The following DYRK4 variants were observed in gnomAD, a reference collection of about 807,000 sequenced individuals.
The protein encoded by DYRK4 is dual specificity tyrosine-phosphorylation-regulated kinase 4.
In DYRK4, 64 loss-of-function variants were observed where a neutral mutation model predicts 68.3. The ratio of observed to expected loss-of-function variants is 0.94; its 90% CI spans 0.77 to 1.15. DYRK4 has a LOEUF of 1.15. DYRK4 is among the 50% of genes most tolerant of loss of function. The pLI is 0.00. For synonymous variants in DYRK4, 274 were observed against 289.9 expected (o/e 0.95, Z 0.56); for missense variants, 740 against 764.7 (o/e 0.97, Z 0.38).
At chr12:4,570,418 A>G (rs771175532) in intron 2 of DYRK4, among the ~76,000 whole-genome samples, 6 of 152,180 alleles carry the variant, frequency 3.9e-5, no homozygotes, top group Non-Finnish European at 7.4e-5. Context: ...TTCAACGTCG[A>G]TTGGCTTTCC....
At chr12:4,599,287 T>C (rs1159026088) in intron 9 of DYRK4, 121 bp downstream of exon 9, 1 of 1,108,780 alleles carries the variant, frequency 9.0e-7, no homozygotes, top group African/African-American at 1.6e-5. Flanking sequence ...TTTTTTTTTT[T>C]TTTTTGGTGC....
At chr12:4,576,651 G>T (rs1351715629) in intron 2 of DYRK4, among the ~76,000 whole-genome samples, 1 of 152,170 alleles carries the variant, frequency 6.6e-6, no homozygotes, top group Non-Finnish European at 1.5e-5. Flanking sequence ...AAGAATTCTT[G>T]TTATGCCACC....
intron 4 of DYRK4, chr12:4,590,653 C>A: frequency 1.9e-6 from 2 of 1,027,958 alleles, no homozygotes; most frequent in Non-Finnish European, 2.6e-6. Flanking sequence ...CTCTCTAGAG[C>A]TGTCAGGAGG....
chr12:4,599,886 C>CACCA (rs1178439722), intron 10 of DYRK4, 98 bp downstream of exon 10: 4 of 942,288 alleles, frequency 4.2e-6, no homozygotes, highest in Non-Finnish European at 6.7e-6. Flanking sequence ...GCTCAGCTGT[C>CACCA]ACCACTACCA....
At chr12:4,605,917 T>C (rs1945144565) in intron 11 of DYRK4, among the ~76,000 whole-genome samples, 1 of 152,094 alleles carries the variant, frequency 6.6e-6, no homozygotes, top group Non-Finnish European at 1.5e-5. Flanking sequence ...TTGAGTTCTG[T>C]GTAAGAATCA....
intron 2 of DYRK4, among the ~76,000 whole-genome samples, chr12:4,570,231 C>A (rs1289842927): frequency 6.6e-6 from 1 of 151,756 alleles, no homozygotes; most frequent in Non-Finnish European, 1.5e-5. Context: ...CAGAAGAAAA[C>A]CCTGTCTCAA....
chr12:4,576,382 TG>T (rs1239496309), intron 2 of DYRK4, among the ~76,000 whole-genome samples: 1 of 152,244 alleles, frequency 6.6e-6, no homozygotes, highest in Non-Finnish European at 1.5e-5. Flanking sequence ...CTGCACTGTA[TG>T]GGTGTACCAG....
In DYRK4 at chr12:4,613,690, C is replaced by T. The variant is rs1238344841; in HGVS notation, c.1842C>T (p.Thr614=). Residue 614 remains threonine (T), a synonymous_variant, in exon 15 of 15, where the codon ACC becomes ACT. Coordinates refer to ENST00000543431, the MANE Select transcript of DYRK4 (RefSeq NM_001394779.1). This position sits in a 1 kb window ranked among gnomAD's most constrained non-coding sequence, Gnocchi z 4.0. ...CTGTCGGGGCGGAGGTGTCCATGAC[C>T]TCCCCAGGACAGAGCAAAAACTTCT... ...EAAVGAEVSM[T]SPGQSKNFSL... is the part of the protein sequence containing the mutation. 1 of 1,594,230 alleles carries T rather than the reference C, an allele frequency of 6.3e-7. No homozygotes were observed. Among genetic ancestry groups the T allele is most frequent in the South Asian group, 1.1e-5 (1 of 90,088 alleles).
chr12:4,570,062 AATAATAATAATAATAATG>A (rs2137321821), intron 2 of DYRK4, among the ~76,000 whole-genome samples: 1 of 133,744 alleles, frequency 7.5e-6, no homozygotes, highest in South Asian at 3.0e-4. Flanking sequence ...TAATAATAAT[AATAATAATAATAATAATG>A]ATAATAACAA....
intron 10 of DYRK4, among the ~76,000 whole-genome samples, chr12:4,603,719 C>G (rs1306445382): frequency 6.6e-6 from 1 of 152,190 alleles, no homozygotes; most frequent in African/African-American, 2.4e-5. Context: ...TGTATGAATC[C>G]TATAAGAAAT....
chr12:4,566,781 A>G (rs942984397), intron 1 of DYRK4, among the ~76,000 whole-genome samples: 7 of 151,610 alleles, frequency 4.6e-5, no homozygotes, highest in Admixed American at 1.3e-4. Context: ...GCTTTTGTGC[A>G]GGATTTTTTC....
At chr12:4,592,488 C>G (rs1237532602) in intron 5 of DYRK4, 1 of 152,254 alleles carries the variant, frequency 6.6e-6, no homozygotes, top group African/African-American at 2.4e-5. Flanking sequence ...TAGGGAAGTC[C>G]TAACTCATAA....
rs76510821 is a variant in DYRK4 at position 4,584,148 on chromosome 12, A to G, written c.133-4789A>G. On this transcript the variant is annotated intron_variant, in intron 2 of 14. Coordinates refer to ENST00000543431, the MANE Select transcript of DYRK4 (RefSeq NM_001394779.1). ...GAGACTAGTTCCAAAAGAGGGGATT[A>G]TATTAGAATGTGGCTCCCAAATCTG... 6.1e-3 allele frequency among the ~76,000 whole-genome samples: 922 copies of G among 152,344 alleles called. 6 individuals are homozygous for G. Among genetic ancestry groups the G allele is most frequent in the Admixed American group, 0.014 (212 of 15,298 alleles).
intron 11 of DYRK4, 72 bp from the exon 12 acceptor site, chr12:4,607,255 G>T: frequency 6.3e-7 from 1 of 1,586,196 alleles, no homozygotes; most frequent in Non-Finnish European, 8.6e-7. Context: ...CTTGGCCAAA[G>T]TACGCTCCAC....
chr12:4,599,719 C>T lies in DYRK4; in HGVS notation c.1057C>T (p.Leu353=). 1 of 1,613,726 alleles carries T rather than the reference C, an allele frequency of 6.2e-7. No individual in the cohort carries two copies. The highest frequency in any genetic ancestry group is 1.1e-5 in the South Asian group (1 of 91,064). The change falls in exon 10 of 15, where the codon CTA becomes TTA. Residue 353 remains leucine, a synonymous_variant. Transcript: ENST00000543431. ...HCDLKPENIV[L]YQKGQASVKV... ...TTCTTCTCTCTAGGAAAATATAGTG[C>T]TATACCAAAAGGGCCAAGCCTCTGT...
At chr12:4,593,853 T>C (rs1351012964) in intron 6 of DYRK4, among the ~76,000 whole-genome samples, 1 of 152,234 alleles carries the variant, frequency 6.6e-6, no homozygotes, top group Non-Finnish European at 1.5e-5. Context: ...GGATTTAAGA[T>C]ACAGGATGAG....
At chr12:4,603,748 C>T (rs779286453) in intron 10 of DYRK4, among the ~76,000 whole-genome samples, 1 of 152,208 alleles carries the variant, frequency 6.6e-6, no homozygotes, top group Non-Finnish European at 1.5e-5. Flanking sequence ...AAAAGTAATG[C>T]TTCCCACAAA....
rs1328025387 is a variant in DYRK4, at chr12:4,591,562, A to C, written c.463+264A>C. 26 of 425,550 alleles carry C rather than the reference A, an allele frequency of 6.1e-5. No individual in the cohort carries two copies. The highest frequency in any genetic ancestry group is 7.9e-5 in the Non-Finnish European group (19 of 241,288). The allele number at this position is 425,550 out of a possible 1,614,324, so 26.4% of individuals were successfully genotyped here. On this transcript the variant is annotated intron_variant, in intron 5 of 14. Transcript: ENST00000543431. This position sits in a 1 kb window ranked among gnomAD's most constrained non-coding sequence, Gnocchi z 4.1. ...CAATGCAGACAGAAGGAAGTGTCTC[A>C]TTTGCCTAAGGAGCCCAGACACAAG...
chr12:4,605,039 C>T lies in DYRK4; in HGVS notation c.1252C>T (p.Leu418=), dbSNP rs370397535. Residue 418 remains leucine (L), a synonymous_variant, in exon 11 of 15, where the codon CTG becomes TTG. Transcript: ENST00000543431. ...GGCGGAGTTGTACACGGGCTACCCC[C>T]TGTTCCCCGGGGAGAATGAGGTGGA... ...ITAELYTGYP[L]FPGENEVEQL... The T allele has an allele frequency of 3.7e-6, 6 of 1,614,014 alleles. No homozygotes were observed. Among genetic ancestry groups the T allele is most frequent in the African/African-American group, 2.7e-5 (2 of 74,950 alleles).
Sources: gnomAD v4.1 joint callset for allele counts (sites outside exome capture counted in the v4.1 genomes callset) on GRCh38, gnomAD v4.1.1 for gene constraint, Gnocchi (gnomAD v3.1) non-coding constraint, MANE v1.5 for transcripts, NCBI Gene and HGNC (gene_info 2026-07-23, HGNC 2026-07-21) for gene names.